CBS: variants seen among roughly 807,000 people sequenced by gnomAD.
CBS encodes the protein cystathionine beta-synthase.
For synonymous variants in CBS, 23 were observed against 52.2 expected, an observed-to-expected ratio of 0.44 and a Z score of 2.41; for missense variants, 27 against 124.8, an observed-to-expected ratio of 0.22 and a Z score of 3.73.
At chr21:43,068,657 A>T in intron 3 of CBS, 42 bp from the exon 4 acceptor site, 1 of 362,870 alleles carries the variant, frequency 2.8e-6, no homozygotes, top group Admixed American at 3.0e-5. Flanking sequence ...AAAAAAAAAA[A>T]AATAGTACCA....
rs1457546374 is a variant in CBS at position 43,066,247 on chromosome 21, G to A, written c.447C>T (p.Asn149=). 5 of 1,347,230 alleles carry A rather than the reference G, an allele frequency of 3.7e-6. 1 individual carries two copies. The highest frequency in any genetic ancestry group is 5.0e-6 in the Non-Finnish European group (5 of 994,836). The allele number at this position is 1,347,230 out of a possible 1,614,324, so 83.5% of individuals were successfully genotyped here. ...CCCTCTGGGCCTGGCACCCACCGGT[G>A]TTCCCGGATGTCGGCTCGATAATCG... ...GDTIIEPTSG[N]TGIGLALAAA... The change falls in exon 5 of 17, where the codon AAC becomes AAT. Residue 149 remains asparagine, a synonymous_variant. Coordinates refer to ENST00000398165, the MANE Select transcript of CBS (RefSeq NM_000071.3).
chr21:43,066,718 G>T, intron 4 of CBS, among the ~76,000 whole-genome samples: 1 of 77,930 alleles, frequency 1.3e-5, no homozygotes, highest in Non-Finnish European at 2.5e-5. Flanking sequence ...GCCTGGATTT[G>T]GGTCCCCTAC....
rs1272204023 is a variant in CBS at position 43,063,484 on chromosome 21, GTCTCA to G, written c.828+411_829-407del. ...CAAGCAACAGGGAGAGAACGCCCTTGTCTCATCAGCGGGACCTTTCTAGGCACCCG... is the reference window on the plus strand; with the variant it reads ...CAAGCAACAGGGAGAGAACGCCCTTGTCAGCGGGACCTTTCTAGGCACCCG... On this transcript the variant is annotated intron_variant, in intron 9 of 16. Transcript: ENST00000398165. Among the ~76,000 whole-genome samples, 5 of 25,418 alleles carry G rather than the reference GTCTCA, an allele frequency of 2.0e-4. No individual in the cohort carries two copies. The Admixed American group carries it at 2.1e-3, about 10-fold the overall frequency. The allele number at this position is 25,418 out of a possible 152,430, so 16.7% of individuals were successfully genotyped here.
intron 12 of CBS, among the ~76,000 whole-genome samples, chr21:43,060,083 A>ACGTC (rs1210787452): frequency 7.6e-6 from 1 of 132,246 alleles, no homozygotes; most frequent in African/African-American, 2.6e-5. Context: ...GCCCAAGAGG[A>ACGTC]CGTCAGTCCA....
intron 5 of CBS, 35 bp from the exon 6 acceptor site, chr21:43,065,730 AC>A (rs750102986): frequency 1.5e-5 from 3 of 202,906 alleles, no homozygotes; most frequent in East Asian, 6.4e-5. Flanking sequence ...GGGCCCAGTG[AC>A]CCCCCAAGCC....
At chr21:43,066,607 G>C (rs1386858874) in intron 4 of CBS, among the ~76,000 whole-genome samples, 1 of 61,136 alleles carries the variant, frequency 1.6e-5, no homozygotes, top group Non-Finnish European at 3.1e-5. Flanking sequence ...AGGGCGCTGA[G>C]CAACTCTGTG....
At chr21:43,066,208 C>A in intron 5 of CBS, 35 bp downstream of exon 5, 1 of 1,358,708 alleles carries the variant, frequency 7.4e-7, no homozygotes, top group Non-Finnish European at 1.0e-6. Flanking sequence ...AGGGGACAGC[C>A]AGCCCTGGCC....
rs147616151 is a variant in CBS, at chr21:43,066,201, G to T, written c.451+42C>A. 7.9e-3 allele frequency: 10,727 copies of T among 1,349,698 alleles called. 2,381 individuals are homozygous for T. Among genetic ancestry groups the T allele is most frequent in the Non-Finnish European group, 0.01 (10,018 of 994,378 alleles). 83.6% of individuals were successfully genotyped at this position (1,349,698 alleles called of 1,614,324 possible). ...TCCCGGCAGGCTCGGCATGGGTAGG[G>T]GACAGCCAGCCCTGGCCACCCCCTC... On this transcript the variant is annotated intron_variant, in intron 5 of 16. Transcript: ENST00000398165.
Position 43,066,874 on chromosome 21 carries a change from G to GC in CBS, c.317-498dup, listed in dbSNP as rs1406560730. On this transcript the variant is annotated intron_variant, in intron 4 of 16. Coordinates refer to ENST00000398165, the MANE Select transcript of CBS (RefSeq NM_000071.3). ...CTCCTCCCCCTGTGGGGCGTCACCT[G>GC]CCCGGGGAAGGGCTCCCTGCGCGGT... is the stretch of plus-strand genomic sequence containing the variant. 1.4e-4 allele frequency among the ~76,000 whole-genome samples: 17 copies of GC among 123,590 alleles called. 1 individual carries two copies. The South Asian group carries it at 4.1e-3, about 30-fold the overall frequency. 81.1% of individuals were successfully genotyped at this position (123,590 alleles called of 152,430 possible). A position where few individuals can be genotyped will look rare whatever the true frequency, so the allele number is the denominator to read the frequency against.
intron 5 of CBS, 95 bp downstream of exon 5, chr21:43,066,148 C>G: frequency 9.2e-7 from 1 of 1,091,326 alleles, no homozygotes; most frequent in South Asian, 1.3e-5. Context: ...CCAGCACATG[C>G]GGCTGCAGCT....
At position 43,066,223 on chromosome 21, in the gene CBS, C is replaced by T. The variant is rs1057520922; in HGVS notation, c.451+20G>A. 7.4e-6 allele frequency: 10 copies of T among 1,359,824 alleles called. 1 individual carries two copies. Among genetic ancestry groups the T allele is most frequent in the Non-Finnish European group, 9.9e-6 (10 of 1,005,102 alleles). 84.2% of individuals were successfully genotyped at this position (1,359,824 alleles called of 1,614,324 possible). Reference sequence around the variant, plus strand: ...AGGGGACAGCCAGCCCTGGCCACCCCCTCTGGGCCTGGCACCCACCGGTGT... The same window carrying T: ...AGGGGACAGCCAGCCCTGGCCACCCTCTCTGGGCCTGGCACCCACCGGTGT... On this transcript the variant is annotated intron_variant, in intron 5 of 16. Coordinates refer to ENST00000398165, the MANE Select transcript of CBS (RefSeq NM_000071.3).
At position 43,066,134 on chromosome 21, in the gene CBS, C is replaced by T. The variant is rs541065493; in HGVS notation, c.451+109G>A. The T allele has an allele frequency of 1.9e-3, 1,755 of 912,826 alleles. 276 individuals are homozygous for T. The highest frequency in any genetic ancestry group is 2.2e-3 in the Admixed American group (116 of 53,866). The allele number at this position is 912,826 out of a possible 1,614,324, so 56.5% of individuals were successfully genotyped here. A position where few individuals can be genotyped will look rare whatever the true frequency, so the allele number is the denominator to read the frequency against. ...AGATGCCAGGGAGCAGGCGGCCAGGCGGGCCAGCACATGCGGCTGCAGCTC... is the reference window on the plus strand; with the variant it reads ...AGATGCCAGGGAGCAGGCGGCCAGGTGGGCCAGCACATGCGGCTGCAGCTC... On this transcript the variant is annotated intron_variant, in intron 5 of 16. Coordinates refer to ENST00000398165, the MANE Select transcript of CBS (RefSeq NM_000071.3).
At position 43,055,768 on chromosome 21, in the gene CBS, G is replaced by GT. The variant is rs751616373; in HGVS notation, c.1552+1034dup. ...GGTGGTATTTTAGGTCTTGGGGGCCGTGCCGTCTCTGTTATGAGCACGCAG... is the reference window on the plus strand; with the variant it reads ...GGTGGTATTTTAGGTCTTGGGGGCCGTTGCCGTCTCTGTTATGAGCACGCAG... On this transcript the variant is annotated intron_variant, in intron 16 of 16. Transcript: ENST00000398165. 176 of 419,872 alleles carry GT rather than the reference G, an allele frequency of 4.2e-4. 15 individuals are homozygous for GT. The highest frequency in any genetic ancestry group is 6.4e-4 in the Admixed American group (19 of 29,596). 26.0% of individuals were successfully genotyped at this position (419,872 alleles called of 1,614,324 possible).
At chr21:43,057,648 CCT>C in intron 15 of CBS, among the ~76,000 whole-genome samples, 1 of 13,854 alleles carries the variant, frequency 7.2e-5, no homozygotes, top group East Asian at 1.1e-3. Context: ...TGACTGCGCA[CCT>C]GTTTGAACTG....
At position 43,066,878 on chromosome 21, in the gene CBS, G is replaced by A. The variant is rs948515983; in HGVS notation, c.317-501C>T. 8.8e-5 allele frequency among the ~76,000 whole-genome samples: 11 copies of A among 125,244 alleles called. 2 individuals carry two copies. Among genetic ancestry groups the A allele is most frequent in the Non-Finnish European group, 1.5e-4 (9 of 58,804 alleles). 82.2% of individuals were successfully genotyped at this position (125,244 alleles called of 152,430 possible). ...TCCCCCTGTGGGGCGTCACCTGCCC[G>A]GGGAAGGGCTCCCTGCGCGGTTCCC... On this transcript the variant is annotated intron_variant, in intron 4 of 16. Transcript: ENST00000398165.
chr21:43,066,170 C>A lies in CBS; in HGVS notation c.451+73G>T, dbSNP rs544843180. The A allele has an allele frequency of 1.3e-3, 1,640 of 1,268,146 alleles. 266 individuals are homozygous for A. Among genetic ancestry groups the A allele is most frequent in the Non-Finnish European group, 1.6e-3 (1,429 of 906,370 alleles). The allele number at this position is 1,268,146 out of a possible 1,614,324, so 78.6% of individuals were successfully genotyped here. A position where few individuals can be genotyped will look rare whatever the true frequency, so the allele number is the denominator to read the frequency against. Reference sequence around the variant, plus strand: ...ATGCGGCTGCAGCTCAGCCATCCCCCCCGGGTCCCGGCAGGCTCGGCATGG... The same window carrying A: ...ATGCGGCTGCAGCTCAGCCATCCCCACCGGGTCCCGGCAGGCTCGGCATGG... On this transcript the variant is annotated intron_variant, in intron 5 of 16. Transcript: ENST00000398165.
At chr21:43,066,756 C>A (rs986499810) in intron 4 of CBS, among the ~76,000 whole-genome samples, 1 of 93,298 alleles carries the variant, frequency 1.1e-5, no homozygotes. Context: ...TACCCAGCGG[C>A]CCCTGCCAAA....
rs1263719878 is a variant in CBS, at chr21:43,057,032, CGTCTCGGGTGT to C, written c.1468-156_1468-146del. On this transcript the variant is annotated intron_variant, in intron 15 of 16. Transcript: ENST00000398165. ...GTGGGAAATACGTGGATTCGGGTGACGTCTCGGGTGTGTGTGTGAGATGGGAAAGAAGTCGA... is the reference window on the plus strand; with the variant it reads ...GTGGGAAATACGTGGATTCGGGTGACGTGTGTGAGATGGGAAAGAAGTCGA... 6 of 31,916 alleles carry C rather than the reference CGTCTCGGGTGT, an allele frequency of 1.9e-4. 2 individuals carry two copies. The highest frequency in any genetic ancestry group is 9.5e-4 in the Admixed American group (6 of 6,302). 2.0% of individuals were successfully genotyped at this position (31,916 alleles called of 1,614,324 possible). A position where few individuals can be genotyped will look rare whatever the true frequency, so the allele number is the denominator to read the frequency against.
intron 4 of CBS, among the ~76,000 whole-genome samples, chr21:43,067,049 AC>A (rs775671345): frequency 7.6e-6 from 1 of 130,936 alleles, no homozygotes; most frequent in Non-Finnish European, 1.7e-5. Flanking sequence ...AGCCTGCAGC[AC>A]CTCAAAATTT....
Sources: allele counts gnomAD v4.1 joint callset (sites outside exome capture counted in the v4.1 genomes callset), GRCh38; gene constraint gnomAD v4.1.1; transcripts MANE v1.5; gene names NCBI Gene and HGNC (gene_info 2026-07-23, HGNC 2026-07-21).